The following SIPA1L1 variants were observed in gnomAD, a reference collection of about 807,000 sequenced individuals.
The protein encoded by SIPA1L1 is signal-induced proliferation-associated 1-like protein 1.
SIPA1L1 carries 26 observed loss-of-function variants against 162.7 expected under a neutral mutation model. The ratio of observed to expected loss-of-function variants is 0.16; its 90% confidence interval spans 0.12 to 0.22. The LOEUF (loss-of-function observed/expected upper bound fraction) is 0.22. Among genes scored for constraint, SIPA1L1 ranks in the 10% least tolerant of loss-of-function variants. The probability of loss-of-function intolerance (pLI) is 1.00; values close to 1 mark genes in which losing one functional copy is unlikely to be tolerated. For missense variants in SIPA1L1, 1,874 were observed against 2,241.0 expected, an observed-to-expected ratio of 0.84 and a Z score of 3.31; for synonymous variants, 829 against 837.4, an observed-to-expected ratio of 0.99 and a Z score of 0.17.
rs143341761 is a variant in SIPA1L1, at chr14:71,645,170, T to C, written c.1819-5165T>C. ...TTGCCTCCCTTTGACCCTGCCTCCA[T>C]TGTCTTTTCTCTTTTGTCTCCGTTG... On this transcript the variant is annotated intron_variant, in intron 7 of 23. Transcript: ENST00000381232. 7.9e-5 allele frequency among the ~76,000 whole-genome samples: 12 copies of C among 152,278 alleles called. No individual in the cohort carries two copies. In the East Asian group the frequency reaches 2.3e-3, roughly 29 times the overall value.
intron 2 of SIPA1L1, among the ~76,000 whole-genome samples, chr14:71,429,739 A>G (rs1014572535): frequency 2.0e-5 from 3 of 152,202 alleles, no homozygotes; most frequent in Admixed American, 2.0e-4. Flanking sequence ...TTATATGTGG[A>G]GAAATGGTAC....
chr14:71,704,887 A>G (rs190564094), intron 15 of SIPA1L1: 98 of 746,300 alleles, frequency 1.3e-4, no homozygotes, highest in African/African-American at 1.3e-3. Flanking sequence ...CAATGAATGA[A>G]TTTCATAAAT....
At chr14:71,385,268 ACT>A (rs1262561676) in intron 2 of SIPA1L1, among the ~76,000 whole-genome samples, 2 of 152,016 alleles carry the variant, frequency 1.3e-5, no homozygotes, top group Admixed American at 6.6e-5. Context: ...AATTTTACTG[ACT>A]CTGATTATTC....
intron 22 of SIPA1L1, among the ~76,000 whole-genome samples, chr14:71,737,791 C>T (rs1025480834): frequency 2.6e-5 from 4 of 152,140 alleles, no homozygotes; most frequent in African/African-American, 9.7e-5. Context: ...ACACTTGGGA[C>T]CAGAGACGAC....
chr14:71,386,858 AGTACTTTCTTCTC>A, intron 2 of SIPA1L1, among the ~76,000 whole-genome samples: 1 of 152,358 alleles, frequency 6.6e-6, no homozygotes, highest in African/African-American at 2.4e-5. Flanking sequence ...TCCAAACTTG[AGTACTTTCTTCTC>A]GTTACTGTGA....
chr14:71,455,549 C>T (rs182636276), intron 2 of SIPA1L1, among the ~76,000 whole-genome samples: 166 of 151,900 alleles, frequency 1.1e-3, no homozygotes, highest in Non-Finnish European at 1.7e-3. Flanking sequence ...TTGGTAATTC[C>T]GAATGCTTAT....
At chr14:71,576,839 C>T (rs2147163551) in intron 4 of SIPA1L1, among the ~76,000 whole-genome samples, 1 of 152,212 alleles carries the variant, frequency 6.6e-6, no homozygotes, top group African/African-American at 2.4e-5. Flanking sequence ...TAATCCCAGA[C>T]TTTGGGAAGC....
chr14:71,444,799 T>C (rs2045217852), intron 2 of SIPA1L1, among the ~76,000 whole-genome samples: 1 of 152,196 alleles, frequency 6.6e-6, no homozygotes, highest in Non-Finnish European at 1.5e-5. Context: ...GTTGGAGTTT[T>C]TGTATTATGT....
chr14:71,607,852 C>T (rs1015870952), intron 5 of SIPA1L1, among the ~76,000 whole-genome samples: 3 of 152,132 alleles, frequency 2.0e-5, no homozygotes, highest in African/African-American at 7.2e-5. Flanking sequence ...TTCCATATTC[C>T]AGTGAGTTTC....
rs1197971686 is a variant in SIPA1L1 at position 71,741,153 on chromosome 14, G to C, written c.*1992G>C. ...ATCAAGCTTTGTTAACACTAATGAT[G>C]ATTCTTGAAAATTTCTGTCCTTCTC... On this transcript the variant is annotated 3_prime_UTR_variant, in exon 24 of 24. Coordinates refer to ENST00000381232, the MANE Select transcript of SIPA1L1 (RefSeq NM_001386936.1). 6.6e-6 allele frequency: 1 copy of C among 152,138 alleles called. No individual in the cohort carries two copies. Among genetic ancestry groups the C allele is most frequent in the African/African-American group, 2.4e-5 (1 of 41,424 alleles). The allele number at this position is 152,138 out of a possible 1,614,324, so 9.4% of individuals were successfully genotyped here.
chr14:71,324,151 A>G (rs1268098883), intron 2 of SIPA1L1, among the ~76,000 whole-genome samples: 1 of 152,222 alleles, frequency 6.6e-6, no homozygotes, highest in East Asian at 1.9e-4. Context: ...CATGTATGAA[A>G]GTACTTTGTA....
At chr14:71,575,219 G>A (rs1012978254) in intron 4 of SIPA1L1, 1 of 152,162 alleles carries the variant, frequency 6.6e-6, no homozygotes, top group Non-Finnish European at 1.5e-5. Flanking sequence ...TTCTGGCTCT[G>A]TAAATACTTA....
intron 2 of SIPA1L1, among the ~76,000 whole-genome samples, chr14:71,481,289 G>A (rs1351089314): frequency 6.6e-6 from 1 of 152,074 alleles, no homozygotes; most frequent in Admixed American, 6.5e-5. Context: ...GACCAGCCTG[G>A]GCAACATGGC....
At chr14:71,717,190 G>A (rs190592165) in intron 17 of SIPA1L1, among the ~76,000 whole-genome samples, 4 of 152,284 alleles carry the variant, frequency 2.6e-5, no homozygotes, top group Admixed American at 2.0e-4. Flanking sequence ...GAGCCACTGC[G>A]CCCGACCTCT....
intron 2 of SIPA1L1, among the ~76,000 whole-genome samples, chr14:71,349,192 T>C (rs1040147911): frequency 6.6e-6 from 1 of 152,184 alleles, no homozygotes; most frequent in Non-Finnish European, 1.5e-5. Context: ...GTAATGTGAT[T>C]GCACAAAAAG....
At chr14:71,505,422 T>C (rs2143929642) in intron 2 of SIPA1L1, among the ~76,000 whole-genome samples, 1 of 81,088 alleles carries the variant, frequency 1.2e-5, no homozygotes, top group African/African-American at 4.4e-5. Context: ...CTCTTTCTTC[T>C]TTTTTTTTTT....
chr14:71,390,424 T>A (rs978582513), intron 2 of SIPA1L1, among the ~76,000 whole-genome samples: 4 of 152,208 alleles, frequency 2.6e-5, no homozygotes, highest in African/African-American at 9.7e-5. Context: ...CATTTTCCCA[T>A]GTACATAGCT....
chr14:71,495,911 AAAG>A (rs1461871233), intron 2 of SIPA1L1, among the ~76,000 whole-genome samples: 9 of 106,126 alleles, frequency 8.5e-5, no homozygotes, highest in Admixed American at 9.4e-5. Context: ...AAAAAAAAAA[AAAG>A]AAGAAGAAAG....
chr14:71,344,222 T>C (rs1236031539), intron 2 of SIPA1L1, among the ~76,000 whole-genome samples: 1 of 152,222 alleles, frequency 6.6e-6, no homozygotes, highest in African/African-American at 2.4e-5. Flanking sequence ...TCATATTAAG[T>C]GGTAGGGGCA....
Sources: allele counts gnomAD v4.1 joint callset (sites outside exome capture counted in the v4.1 genomes callset), GRCh38; gene constraint gnomAD v4.1.1; transcripts MANE v1.5; gene names NCBI Gene and HGNC (gene_info 2026-07-23, HGNC 2026-07-21).